The following GNG12 variants were observed in gnomAD, a reference collection of about 807,000 sequenced individuals.
GNG12 encodes the protein G protein subunit gamma 12, also known as guanine nucleotide-binding protein G(I)/G(S)/G(O) subunit gamma-12.
For synonymous variants in GNG12, 28 were observed against 29.7 expected, an observed-to-expected ratio of 0.94 and a Z score of 0.19; for missense variants, 69 against 83.8, an observed-to-expected ratio of 0.82 and a Z score of 0.69.
chr1:67,819,228 A>G (rs1646972123), intron 1 of GNG12, among the ~76,000 whole-genome samples: 1 of 152,108 alleles, frequency 6.6e-6, no homozygotes, highest in South Asian at 2.1e-4. Context: ...CTGATGACTC[A>G]AGGGTTCAGA....
intron 2 of GNG12, among the ~76,000 whole-genome samples, chr1:67,735,738 TAAC>T (rs1358564788): frequency 2.0e-5 from 3 of 152,222 alleles, no homozygotes; most frequent in Admixed American, 6.5e-5. Flanking sequence ...TGATCTTCAC[TAAC>T]AACAGTGAAG....
intron 1 of GNG12, among the ~76,000 whole-genome samples, chr1:67,821,972 G>C (rs931117051): frequency 2.0e-5 from 3 of 151,854 alleles, no homozygotes; most frequent in Non-Finnish European, 4.4e-5. Flanking sequence ...TCTAAACCAG[G>C]GGTGTCCAAT....
At chr1:67,778,021 A>G (rs1417607759) in intron 1 of GNG12, among the ~76,000 whole-genome samples, 8 of 151,574 alleles carry the variant, frequency 5.3e-5, no homozygotes, top group Non-Finnish European at 1.0e-4. Context: ...TAGAAATATA[A>G]CCCAAGCCAC....
chr1:67,777,916 G>A (rs751438650), intron 1 of GNG12, among the ~76,000 whole-genome samples: 17 of 152,104 alleles, frequency 1.1e-4, no homozygotes, highest in Non-Finnish European at 2.2e-4. Context: ...GAGGAGGAGT[G>A]TATAAGACTT....
At chr1:67,764,518 T>A (rs1279254977) in intron 2 of GNG12, among the ~76,000 whole-genome samples, 1 of 152,068 alleles carries the variant, frequency 6.6e-6, no homozygotes, top group Non-Finnish European at 1.5e-5. Flanking sequence ...TGCTCTGAAA[T>A]TAGAGGGAAC....
At chr1:67,757,428 C>T (rs533027625) in intron 2 of GNG12, among the ~76,000 whole-genome samples, 5 of 152,324 alleles carry the variant, frequency 3.3e-5, no homozygotes, top group African/African-American at 1.2e-4. Context: ...AGCCCAGAAT[C>T]TCCTTTGGCT....
chr1:67,829,432 AG>A (rs1647030656), intron 1 of GNG12, among the ~76,000 whole-genome samples: 1 of 152,266 alleles, frequency 6.6e-6, no homozygotes, highest in African/African-American at 2.4e-5. Flanking sequence ...ACTATTTGGC[AG>A]GACTATTTAA....
At chr1:67,780,646 A>C (rs1185514822) in intron 1 of GNG12, among the ~76,000 whole-genome samples, 1 of 152,220 alleles carries the variant, frequency 6.6e-6, no homozygotes. Flanking sequence ...AGTATAAAGA[A>C]TCTTCAAATA....
At position 67,786,516 on chromosome 1, in the gene GNG12, AG is replaced by A. The variant is rs1167208661; in HGVS notation, c.-76-9010del. On this transcript the variant is annotated intron_variant, in intron 1 of 3. Transcript: ENST00000370982. ...AGGCCAAAGAAAACTGTAGAGGAAG[AG>A]GGTTTGTAGCTTGTTGGCTCTTCCA... 6.6e-5 allele frequency among the ~76,000 whole-genome samples: 10 copies of A among 152,284 alleles called. No homozygotes were observed. The East Asian group carries it at 1.9e-3, about 29-fold the overall frequency.
intron 2 of GNG12, among the ~76,000 whole-genome samples, chr1:67,718,807 G>C (rs1164550122): frequency 2.6e-5 from 4 of 152,120 alleles, no homozygotes; most frequent in African/African-American, 9.7e-5. Context: ...CCCAGGAAAA[G>C]TCCAAAGGGC....
chr1:67,798,288 G>A (rs760121334), intron 1 of GNG12, among the ~76,000 whole-genome samples: 6 of 152,198 alleles, frequency 3.9e-5, no homozygotes, highest in Non-Finnish European at 5.9e-5. Context: ...CTGTGCATGC[G>A]CAGAATCTAG....
chr1:67,741,597 C>T (rs1646483079), intron 2 of GNG12, among the ~76,000 whole-genome samples: 1 of 152,194 alleles, frequency 6.6e-6, no homozygotes, highest in Non-Finnish European at 1.5e-5. Context: ...CATCAAAGGT[C>T]TTTAATTCCA....
chr1:67,816,266 G>A (rs1299830616), intron 1 of GNG12, among the ~76,000 whole-genome samples: 3 of 152,062 alleles, frequency 2.0e-5, no homozygotes, highest in Non-Finnish European at 1.5e-5. Flanking sequence ...CCCTAATGAA[G>A]ATTACAGCCG....
intron 2 of GNG12, among the ~76,000 whole-genome samples, chr1:67,749,446 T>G (rs1428077772): frequency 6.6e-6 from 1 of 152,242 alleles, no homozygotes; most frequent in Non-Finnish European, 1.5e-5. Flanking sequence ...AAATGTTTGC[T>G]GCTACTGATG....
At chr1:67,820,087 TAA>T (rs34568221) in intron 1 of GNG12, among the ~76,000 whole-genome samples, 15 of 145,274 alleles carry the variant, frequency 1.0e-4, no homozygotes, top group Admixed American at 2.0e-4. Flanking sequence ...TTTGCTGAAT[TAA>T]AAAAAAAAAA....
intron 1 of GNG12, among the ~76,000 whole-genome samples, chr1:67,832,794 T>G (rs1351092377): frequency 1.3e-5 from 2 of 150,168 alleles, no homozygotes; most frequent in African/African-American, 2.5e-5. Context: ...ATTCCAAGGC[T>G]GCGCTCCCGC....
chr1:67,715,751 C>T (rs1398513558), intron 2 of GNG12, among the ~76,000 whole-genome samples: 1 of 152,216 alleles, frequency 6.6e-6, no homozygotes, highest in African/African-American at 2.4e-5. Context: ...TTTATTGAAG[C>T]TCATTCTGCT....
At chr1:67,811,417 C>T (rs992910123) in intron 1 of GNG12, among the ~76,000 whole-genome samples, 13 of 152,152 alleles carry the variant, frequency 8.5e-5, no homozygotes, top group Admixed American at 5.2e-4. Context: ...ACTAACACAA[C>T]ACTAAGCGAT....
chr1:67,731,305 T>C (rs1646417555), intron 2 of GNG12, among the ~76,000 whole-genome samples: 1 of 152,150 alleles, frequency 6.6e-6, no homozygotes, highest in Non-Finnish European at 1.5e-5. Flanking sequence ...GATGTACAAA[T>C]ACTAATCCCC....
Sources: gnomAD v4.1 joint callset for allele counts (sites outside exome capture counted in the v4.1 genomes callset) on GRCh38, gnomAD v4.1.1 for gene constraint, MANE v1.5 for transcripts, NCBI Gene and HGNC (gene_info 2026-07-23, HGNC 2026-07-21) for gene names.